The following MAPK10 variants were observed in gnomAD, a reference collection of about 807,000 sequenced individuals.
MAPK10 encodes the protein mitogen-activated protein kinase 10.
In MAPK10, 25 loss-of-function variants were observed where a neutral mutation model predicts 59.3. That is an observed-to-expected ratio of 0.42 (90% CI 0.31 to 0.59). The LOEUF is 0.59. MAPK10 is among the 20% of genes least tolerant of loss of function. The pLI, the probability that MAPK10 is intolerant of heterozygous loss-of-function variation, is 0.15. For missense variants in MAPK10, 351 were observed against 568.9 expected, an observed-to-expected ratio of 0.62 and a Z score of 3.90; for synonymous variants, 190 against 200.5, an observed-to-expected ratio of 0.95 and a Z score of 0.44.
intron 11 of MAPK10, among the ~76,000 whole-genome samples, chr4:86,039,064 T>C (rs774879623): frequency 4.6e-5 from 7 of 152,208 alleles, no homozygotes; most frequent in Non-Finnish European, 7.3e-5. Flanking sequence ...TTAAATAATA[T>C]ACTACTACAG....
intron 11 of MAPK10, among the ~76,000 whole-genome samples, chr4:86,037,903 T>C (rs1467196977): frequency 1.3e-5 from 2 of 152,196 alleles, no homozygotes; most frequent in East Asian, 1.9e-4. Flanking sequence ...GTAAAAGATA[T>C]TCATTAAAGA....
chr4:86,044,442 G>A, intron 11 of MAPK10: 1 of 281,924 alleles, frequency 3.5e-6, no homozygotes, highest in East Asian at 6.0e-5. Context: ...TAAGACCTCT[G>A]CTCTAACCAC....
chr4:86,098,727 G>A lies in MAPK10; in HGVS notation c.731-132C>T, dbSNP rs544777257. On this transcript the variant is annotated intron_variant, in intron 8 of 13. Coordinates refer to ENST00000641462, the MANE Select transcript of MAPK10 (RefSeq NM_138982.4). ...AATTTTCACCTCCCACCAAAAGTTG[G>A]CCAAAATGTGAATTCAAACCAGCGC... 5.4e-5 allele frequency: 39 copies of A among 719,908 alleles called. No individual in the cohort carries two copies. The Middle Eastern group carries it at 7.3e-4, about 14-fold the overall frequency. 44.6% of individuals were successfully genotyped at this position (719,908 alleles called of 1,614,324 possible). A position where few individuals can be genotyped will look rare whatever the true frequency, so the allele number is the denominator to read the frequency against.
At chr4:86,274,223 C>T (rs908820765) in intron 2 of MAPK10, among the ~76,000 whole-genome samples, 4 of 151,872 alleles carry the variant, frequency 2.6e-5, no homozygotes, top group Non-Finnish European at 4.4e-5. Context: ...TATGAAAATA[C>T]TTTTACCTTT....
At chr4:86,466,027 T>G (rs1186969331) in intron 1 of MAPK10, among the ~76,000 whole-genome samples, 2 of 152,236 alleles carry the variant, frequency 1.3e-5, no homozygotes, top group African/African-American at 4.8e-5. Flanking sequence ...TAATTATACT[T>G]ATTGGGCATA....
chr4:86,139,346 T>C (rs2063055454), intron 4 of MAPK10, among the ~76,000 whole-genome samples: 1 of 151,034 alleles, frequency 6.6e-6, no homozygotes, highest in African/African-American at 2.5e-5. Context: ...TGTAGATCAA[T>C]GGAACAGAAC....
intron 11 of MAPK10, among the ~76,000 whole-genome samples, chr4:86,062,244 C>T (rs2045896109): frequency 6.6e-6 from 1 of 152,148 alleles, no homozygotes; most frequent in Admixed American, 6.5e-5. Context: ...CATTAACTGT[C>T]TTCTTTTTCT....
chr4:86,188,502 G>A (rs116128351), intron 3 of MAPK10, among the ~76,000 whole-genome samples: 7 of 152,200 alleles, frequency 4.6e-5, no homozygotes, highest in Non-Finnish European at 8.8e-5. Context: ...GACCAGTGAT[G>A]AAGAGCTTTT....
intron 2 of MAPK10, among the ~76,000 whole-genome samples, chr4:86,226,108 T>C (rs565634353): frequency 6.6e-6 from 1 of 152,354 alleles, no homozygotes; most frequent in African/African-American, 2.4e-5. Context: ...TTTTAAAAAG[T>C]TAGAAATGCT....
At chr4:86,128,551 G>C (rs1178090387) in intron 4 of MAPK10, among the ~76,000 whole-genome samples, 1 of 152,020 alleles carries the variant, frequency 6.6e-6, no homozygotes, top group Non-Finnish European at 1.5e-5. Flanking sequence ...TAATTTTCCT[G>C]AAGGCCTCCC....
intron 2 of MAPK10, among the ~76,000 whole-genome samples, chr4:86,343,291 C>T (rs1726108951): frequency 6.6e-6 from 1 of 152,176 alleles, no homozygotes; most frequent in South Asian, 2.1e-4. Flanking sequence ...CTACCTAGGA[C>T]TACAGGGACT....
intron 2 of MAPK10, among the ~76,000 whole-genome samples, chr4:86,301,688 C>T (rs1282196551): frequency 1.3e-5 from 2 of 152,110 alleles, no homozygotes; most frequent in African/African-American, 4.8e-5. Context: ...AGGCTCTGTG[C>T]TAGCTGTCAG....
chr4:86,216,968 T>C (rs1037687483), intron 2 of MAPK10, among the ~76,000 whole-genome samples: 4 of 152,164 alleles, frequency 2.6e-5, no homozygotes, highest in Admixed American at 6.5e-5. Context: ...ATTCAGGTAT[T>C]TTGAACTAAA....
intron 1 of MAPK10, among the ~76,000 whole-genome samples, chr4:86,409,101 G>T (rs527887212): frequency 6.6e-6 from 1 of 152,274 alleles, no homozygotes; most frequent in Admixed American, 6.5e-5. Context: ...AAGGGATCCA[G>T]TTTCAGCTTT....
At chr4:86,266,773 A>G (rs1433813941) in intron 2 of MAPK10, among the ~76,000 whole-genome samples, 1 of 152,172 alleles carries the variant, frequency 6.6e-6, no homozygotes, top group Non-Finnish European at 1.5e-5. Context: ...TGAATTTATT[A>G]CTAAATCTAC....
chr4:86,205,714 C>A (rs963056261), intron 2 of MAPK10, among the ~76,000 whole-genome samples: 3 of 151,838 alleles, frequency 2.0e-5, no homozygotes, highest in Non-Finnish European at 4.4e-5. Flanking sequence ...AAGAAAAATT[C>A]TTGTCATATT....
At chr4:86,404,477 G>C (rs1234406838) in intron 1 of MAPK10, among the ~76,000 whole-genome samples, 2 of 152,088 alleles carry the variant, frequency 1.3e-5, no homozygotes, top group Admixed American at 6.6e-5. Context: ...ACTTACCAAT[G>C]CCTACTGCTT....
intron 1 of MAPK10, among the ~76,000 whole-genome samples, chr4:86,530,961 G>C (rs776038914): frequency 6.6e-6 from 1 of 152,162 alleles, no homozygotes; most frequent in African/African-American, 2.4e-5. Context: ...ACTTCTCAGG[G>C]CTGCCTAGCA....
chr4:86,563,042 A>G (rs528330919), intron 1 of MAPK10, among the ~76,000 whole-genome samples: 26 of 152,290 alleles, frequency 1.7e-4, no homozygotes, highest in Non-Finnish European at 3.1e-4. Context: ...TCCTCCTTAC[A>G]AGCACATAAA....
Sources: gnomAD v4.1 joint callset for allele counts (sites outside exome capture counted in the v4.1 genomes callset) on GRCh38, gnomAD v4.1.1 for gene constraint, MANE v1.5 for transcripts, NCBI Gene and HGNC (gene_info 2026-07-23, HGNC 2026-07-21) for gene names.